ABCC5: variants seen among roughly 807,000 people sequenced by gnomAD.
The protein encoded by ABCC5 is ATP binding cassette subfamily C member 5, also known as ATP-binding cassette sub-family C member 5.
Under a neutral mutation model 160.9 loss-of-function variants are expected in ABCC5, and 61 were observed. The ratio of observed to expected loss-of-function variants is 0.38; its 90% CI spans 0.31 to 0.47. The LOEUF is 0.47. ABCC5 is among the 20% of genes least tolerant of loss of function. The pLI is 0.99. For synonymous variants in ABCC5, 666 were observed against 700.6 expected (o/e 0.95, Z 0.78); for missense variants, 1,308 against 1,813.3 (o/e 0.72, Z 5.06).
At position 183,938,121 on chromosome 3, in the gene ABCC5, G is replaced by A. The variant is rs1465885971; in HGVS notation, c.3695-61C>T. The A allele has an allele frequency of 5.2e-6, 8 of 1,550,044 alleles. No homozygotes were observed. In the African/African-American group the frequency reaches 5.5e-5, roughly 11 times the overall value. ...TAGCAAAGTCTGTGAGGACAATGCT[G>A]GTTTAGCCTCAGGGCAATGCCAACT... is the stretch of plus-strand genomic sequence containing the variant. On this transcript the variant is annotated intron_variant, in intron 25 of 29. Transcript: ENST00000334444.
chr3:183,950,135 CAAAT>C lies in ABCC5; in HGVS notation c.2945-14_2945-11del, dbSNP rs1051250163. ...GGCAGCCGCACGTCAACTGTGGAAA[CAAAT>C]AAAGGAGCAAGTGTCAGATGGTTTG... On this transcript the variant is annotated splice_polypyrimidine_tract_variant and intron_variant, in intron 20 of 29. Coordinates refer to ENST00000334444, the MANE Select transcript of ABCC5 (RefSeq NM_005688.4). The C allele has an allele frequency of 9.4e-6, 15 of 1,604,210 alleles. No individual in the cohort carries two copies. Among genetic ancestry groups the C allele is most frequent in the African/African-American group, 6.7e-5 (5 of 74,364 alleles).
intron 10 of ABCC5, among the ~76,000 whole-genome samples, chr3:183,972,729 C>A (rs1717876494): frequency 6.6e-6 from 1 of 152,144 alleles, no homozygotes; most frequent in African/African-American, 2.4e-5. Flanking sequence ...ACTGCAACCT[C>A]CACCTCCCAG....
intron 16 of ABCC5, among the ~76,000 whole-genome samples, chr3:183,961,256 A>G (rs959797166): frequency 2.0e-5 from 3 of 152,172 alleles, no homozygotes; most frequent in African/African-American, 7.2e-5. Flanking sequence ...CTGAGCCCAT[A>G]TCCTTCTCCC....
At chr3:183,942,346 T>C (rs1356746296) in intron 25 of ABCC5, 1 of 460,148 alleles carries the variant, frequency 2.2e-6, no homozygotes, top group East Asian at 6.8e-5. Flanking sequence ...CTGATAGTTT[T>C]AAAAGAAGGC....
chr3:183,927,643 T>C (rs1285946913), intron 27 of ABCC5, 200 bp from the exon 28 acceptor site: 1 of 985,456 alleles, frequency 1.0e-6, no homozygotes, highest in Non-Finnish European at 1.2e-6. Context: ...TCCAATAGAC[T>C]ATTCTGTTAG....
chr3:183,956,663 C>A (rs1261597631), intron 17 of ABCC5, among the ~76,000 whole-genome samples: 2 of 130,986 alleles, frequency 1.5e-5, no homozygotes, highest in African/African-American at 6.0e-5. Flanking sequence ...CATGCAGATC[C>A]GTGTGTATAT....
chr3:184,016,207 G>A (rs1722178762), intron 1 of ABCC5, among the ~76,000 whole-genome samples: 1 of 152,150 alleles, frequency 6.6e-6, no homozygotes, highest in Non-Finnish European at 1.5e-5. Context: ...ACTGTTTTGT[G>A]CCTACAGTGA....
intron 2 of ABCC5, among the ~76,000 whole-genome samples, chr3:183,991,728 T>C (rs910373059): frequency 5.3e-5 from 8 of 152,198 alleles, no homozygotes; most frequent in African/African-American, 1.7e-4. Flanking sequence ...GAAGTCCTTA[T>C]GTATAAGGTC....
chr3:183,971,797 C>T lies in ABCC5; in HGVS notation c.1527G>A (p.Ser509=), dbSNP rs1055024704. 14 of 1,613,968 alleles carry T rather than the reference C, an allele frequency of 8.7e-6. No individual in the cohort carries two copies. The highest frequency in any genetic ancestry group is 6.7e-5 in the East Asian group (3 of 44,882). The stretch of plus-strand genomic sequence containing the variant: ...TTTTCATTTTGGGGGTCAGCTTGGG[C>T]GAGTTCTGGATACTGGAGTGGGAGG... ...WDSSHSSIQN[S]PKLTPKMKKD... The change falls in exon 11 of 30, where the codon TCG becomes TCA. Residue 509 remains serine, a synonymous_variant. Coordinates refer to ENST00000334444, the MANE Select transcript of ABCC5 (RefSeq NM_005688.4).
At chr3:183,961,902 C>T (rs925982418) in intron 15 of ABCC5, among the ~76,000 whole-genome samples, 1 of 152,174 alleles carries the variant, frequency 6.6e-6, no homozygotes, top group Non-Finnish European at 1.5e-5. Flanking sequence ...GCCTCAGCCT[C>T]CCGAATAGCT....
intron 22 of ABCC5, among the ~76,000 whole-genome samples, chr3:183,948,741 C>T (rs181275010): frequency 2.6e-5 from 4 of 151,944 alleles, no homozygotes; most frequent in East Asian, 3.9e-4. Context: ...TCGCTCTTGT[C>T]GCCCAAGCTG....
intron 29 of ABCC5, 117 bp downstream of exon 29, chr3:183,925,438 G>T: frequency 9.6e-7 from 1 of 1,037,490 alleles, no homozygotes; most frequent in Non-Finnish European, 1.4e-6. Flanking sequence ...AAATAGCGCT[G>T]CTGCAAGTGC....
Position 183,961,671 on chromosome 3 carries a change from A to T in ABCC5, c.2236-17T>A. On this transcript the variant is annotated splice_polypyrimidine_tract_variant and intron_variant, in intron 15 of 29. Coordinates refer to ENST00000334444, the MANE Select transcript of ABCC5 (RefSeq NM_005688.4). ...AACCAGGTACTGAAGGCAAAGGCAG[A>T]GACAACACAATATGCTGTTTGTGCA... 6.2e-7 allele frequency: 1 copy of T among 1,614,038 alleles called. No homozygotes were observed.
chr3:183,980,140 G>A (rs933309712), intron 8 of ABCC5, among the ~76,000 whole-genome samples: 1 of 152,140 alleles, frequency 6.6e-6, no homozygotes, highest in Admixed American at 6.5e-5. Flanking sequence ...CTCCCAAAGT[G>A]CTGGGATTAC....
intron 10 of ABCC5, among the ~76,000 whole-genome samples, chr3:183,976,065 T>C (rs936001925): frequency 6.6e-6 from 1 of 151,928 alleles, no homozygotes; most frequent in African/African-American, 2.4e-5. Flanking sequence ...CTGAGTCCCA[T>C]TAGGCCATTT....
chr3:183,980,958 G>A (rs1299655863), intron 8 of ABCC5, among the ~76,000 whole-genome samples: 1 of 151,808 alleles, frequency 6.6e-6, no homozygotes, highest in African/African-American at 2.4e-5. Context: ...GGTGATCCAC[G>A]TAACTCAGCC....
rs1241008306 is a variant in ABCC5 at position 183,988,966 on chromosome 3, C to T, written c.288-239G>A. ...AGATCATGAGGTCAGGAGATTGAGA[C>T]TATCCTGGCCAATATGGTGTAACCC... On this transcript the variant is annotated intron_variant, in intron 3 of 29. Coordinates refer to ENST00000334444, the MANE Select transcript of ABCC5 (RefSeq NM_005688.4). This position sits in a 1 kb window ranked among gnomAD's most constrained non-coding sequence, Gnocchi z 4.4. Among the ~76,000 whole-genome samples, 2 of 151,920 alleles carry T rather than the reference C, an allele frequency of 1.3e-5. No individual in the cohort carries two copies.
intron 5 of ABCC5, chr3:183,983,315 A>T (rs1041772755): frequency 2.5e-6 from 1 of 397,208 alleles, no homozygotes; most frequent in Non-Finnish European, 4.7e-6. Flanking sequence ...ATTCAAAAGT[A>T]TAGCTTTGAC....
Position 183,949,607 on chromosome 3 carries a change from A to C in ABCC5, c.3227+146T>G. 6.4e-6 allele frequency: 7 copies of C among 1,091,396 alleles called. No individual in the cohort carries two copies. Among genetic ancestry groups the C allele is most frequent in the Non-Finnish European group, 8.9e-6 (7 of 787,864 alleles). The allele number at this position is 1,091,396 out of a possible 1,614,324, so 67.6% of individuals were successfully genotyped here. On this transcript the variant is annotated intron_variant, in intron 22 of 29. Coordinates refer to ENST00000334444, the MANE Select transcript of ABCC5 (RefSeq NM_005688.4). The surrounding 1 kb of genome is among the most constrained non-coding windows in gnomAD (Gnocchi z 4.2). ...AGTCCCGCCAAGCAATTGGATTTTAATCAGAGATTATTCCATTAAATCATG... is the reference window on the plus strand; with the variant it reads ...AGTCCCGCCAAGCAATTGGATTTTACTCAGAGATTATTCCATTAAATCATG...
Sources: gnomAD v4.1 joint callset for allele counts (sites outside exome capture counted in the v4.1 genomes callset) on GRCh38, gnomAD v4.1.1 for gene constraint, Gnocchi (gnomAD v3.1) non-coding constraint, MANE v1.5 for transcripts, NCBI Gene and HGNC (gene_info 2026-07-23, HGNC 2026-07-21) for gene names.